The following PPP1R12A variants were observed in gnomAD, a reference collection of about 807,000 sequenced individuals.
PPP1R12A encodes the protein protein phosphatase 1 regulatory subunit 12A.
In PPP1R12A, 19 loss-of-function variants were observed where a neutral mutation model predicts 139.6. The ratio of observed to expected loss-of-function variants is 0.14; its 90% CI spans 0.09 to 0.20. The LOEUF (loss-of-function observed/expected upper bound fraction) is 0.20. PPP1R12A is among the 10% of genes least tolerant of loss of function. The pLI is 1.00. For missense variants in PPP1R12A, 925 were observed against 1,211.5 expected (o/e 0.76, Z 3.51); for synonymous variants, 427 against 420.6 (o/e 1.02, Z -0.19).
At chr12:79,824,354 C>A (rs1293221622) in intron 5 of PPP1R12A, among the ~76,000 whole-genome samples, 2 of 152,002 alleles carry the variant, frequency 1.3e-5, no homozygotes, top group African/African-American at 4.8e-5. Flanking sequence ...ATTATCAACC[C>A]TTCTCATGAA....
At chr12:79,830,306 T>A (rs1269829691) in intron 4 of PPP1R12A, among the ~76,000 whole-genome samples, 1 of 152,206 alleles carries the variant, frequency 6.6e-6, no homozygotes, top group Non-Finnish European at 1.5e-5. Context: ...ATCCTTGATT[T>A]TGACATTTCA....
upstream of PPP1R12A, chr12:79,935,299 CTGGGCCACCAG>C: frequency 9.5e-7 from 1 of 1,054,082 alleles, no homozygotes; most frequent in Non-Finnish European, 1.1e-6. Context: ...GCGGTGGTGG[CTGGGCCACCAG>C]AGGGAAGCGG....
At chr12:79,787,471 TC>T (rs1160784884) in intron 21 of PPP1R12A, 1 of 152,174 alleles carries the variant, frequency 6.6e-6, no homozygotes, top group Non-Finnish European at 1.5e-5. Flanking sequence ...TAGTAATCCT[TC>T]CGTTTTTGGC....
chr12:79,893,034 G>A (rs1357189208), intron 1 of PPP1R12A, among the ~76,000 whole-genome samples: 2 of 151,654 alleles, frequency 1.3e-5, no homozygotes, highest in Non-Finnish European at 2.9e-5. Context: ...AACCTGGGAG[G>A]TGGAGTTGCC....
At chr12:79,880,236 C>G (rs1350025767) in intron 1 of PPP1R12A, among the ~76,000 whole-genome samples, 1 of 152,066 alleles carries the variant, frequency 6.6e-6, no homozygotes, top group African/African-American at 2.4e-5. Context: ...TCACGGAGGA[C>G]ATAAAGAGAT....
chr12:79,835,004 G>A (rs1007075970), intron 3 of PPP1R12A, among the ~76,000 whole-genome samples: 4 of 152,294 alleles, frequency 2.6e-5, no homozygotes, highest in Non-Finnish European at 5.9e-5. Context: ...TGTTTCCAGA[G>A]GAAAGTGACA....
intron 1 of PPP1R12A, chr12:79,878,402 C>T (rs1195943476): frequency 6.6e-6 from 1 of 151,936 alleles, no homozygotes; most frequent in Non-Finnish European, 1.5e-5. Context: ...CAGGTGTTTT[C>T]AAGGTGGTAT....
chr12:79,857,394 G>GAC (rs1880795349), intron 2 of PPP1R12A, among the ~76,000 whole-genome samples: 1 of 148,358 alleles, frequency 6.7e-6, no homozygotes, highest in Admixed American at 6.9e-5. Context: ...AGAACATATG[G>GAC]ACACAGGAAG....
intron 1 of PPP1R12A, 112 bp from the exon 2 acceptor site, chr12:79,873,050 G>A: frequency 3.4e-6 from 4 of 1,162,864 alleles, no homozygotes; most frequent in Non-Finnish European, 4.7e-6. Flanking sequence ...AATATTCTCT[G>A]TAAATAAATC....
At chr12:79,827,024 GGAATTTCTAC>G (rs1876865653) in intron 5 of PPP1R12A, among the ~76,000 whole-genome samples, 1 of 152,090 alleles carries the variant, frequency 6.6e-6, no homozygotes, top group East Asian at 1.9e-4. Flanking sequence ...TTTCTGAAGG[GGAATTTCTAC>G]ATGAAAAGAG....
Position 79,806,342 on chromosome 12 carries a change from A to G in PPP1R12A, c.1656-9T>C, listed in dbSNP as rs761850816. On this transcript the variant is annotated splice_polypyrimidine_tract_variant and intron_variant, in intron 12 of 24. Transcript: ENST00000450142. Reference sequence around the variant, plus strand: ...TTCTACCAAAGGAGCAACTAAACAAAAGAGTCATATCTATATAGGATGTGT... The same window carrying G: ...TTCTACCAAAGGAGCAACTAAACAAGAGAGTCATATCTATATAGGATGTGT... The G allele has an allele frequency of 4.3e-6, 7 of 1,609,468 alleles. No homozygotes were observed. Among genetic ancestry groups the G allele is most frequent in the East Asian group, 2.2e-5 (1 of 44,870 alleles).
At chr12:79,836,477 AT>A (rs1372450598) in intron 3 of PPP1R12A, among the ~76,000 whole-genome samples, 1 of 152,022 alleles carries the variant, frequency 6.6e-6, no homozygotes, top group African/African-American at 2.4e-5. Context: ...TATTTATCTA[AT>A]TTCATGCTAT....
At chr12:79,806,114 C>G in intron 13 of PPP1R12A, 52 bp downstream of exon 13, 1 of 1,544,488 alleles carries the variant, frequency 6.5e-7, no homozygotes. Context: ...AAAACGCATG[C>G]ACATACATAA....
chr12:79,875,251 A>T (rs1209463368), intron 1 of PPP1R12A, among the ~76,000 whole-genome samples: 1 of 152,172 alleles, frequency 6.6e-6, no homozygotes, highest in East Asian at 1.9e-4. Context: ...ACTATTCATA[A>T]TCATCATCAT....
chr12:79,812,338 C>A (rs763625029), intron 9 of PPP1R12A, among the ~76,000 whole-genome samples: 1 of 148,916 alleles, frequency 6.7e-6, no homozygotes, highest in Non-Finnish European at 1.5e-5. Flanking sequence ...CTATCTTCAC[C>A]TTCTTTTTCT....
intron 5 of PPP1R12A, among the ~76,000 whole-genome samples, chr12:79,822,534 C>A (rs961040760): frequency 2.6e-5 from 4 of 152,018 alleles, no homozygotes; most frequent in Non-Finnish European, 5.9e-5. Context: ...TTTTTATCAC[C>A]CTAAGAAGTA....
Position 79,781,881 on chromosome 12 carries a change from T to C in PPP1R12A, c.2908-19A>G. ...CTTGTCTCTGCAACAAAGTAAGAAATTATAAAAGAGATAAGTGCAAAAAAG... is the reference window on the plus strand; with the variant it reads ...CTTGTCTCTGCAACAAAGTAAGAAACTATAAAAGAGATAAGTGCAAAAAAG... On this transcript the variant is annotated intron_variant, in intron 22 of 24. Transcript: ENST00000450142. The C allele has an allele frequency of 6.6e-7, 1 of 1,515,270 alleles. No individual in the cohort carries two copies. The highest frequency in any genetic ancestry group is 1.3e-5 in the South Asian group (1 of 79,384). The allele number at this position is 1,515,270 out of a possible 1,614,324, so 93.9% of individuals were successfully genotyped here.
chr12:79,813,307 C>G (rs1592654375), intron 9 of PPP1R12A, among the ~76,000 whole-genome samples: 1 of 152,180 alleles, frequency 6.6e-6, no homozygotes, highest in Admixed American at 6.5e-5. Context: ...AGCCCTTCTT[C>G]TCTCAGGTGG....
At chr12:79,832,190 T>A in intron 4 of PPP1R12A, 142 bp downstream of exon 4, 1 of 690,962 alleles carries the variant, frequency 1.4e-6, no homozygotes, top group Non-Finnish European at 2.2e-6. Flanking sequence ...TCAAAGTAGT[T>A]TTTCTCTTTC....
Sources: allele counts gnomAD v4.1 joint callset (sites outside exome capture counted in the v4.1 genomes callset), GRCh38; gene constraint gnomAD v4.1.1; transcripts MANE v1.5; gene names NCBI Gene and HGNC (gene_info 2026-07-23, HGNC 2026-07-21).